The following BMAL1 variants were observed in gnomAD, a reference collection of about 807,000 sequenced individuals.
The protein encoded by BMAL1 is basic helix-loop-helix ARNT like 1.
chr11:13,358,931 T>C, the BMAL1 span, among the ~76,000 whole-genome samples: 1 of 152,204 alleles, frequency 6.6e-6, no homozygotes, highest in Non-Finnish European at 1.5e-5. Context: ...ATCCCATCCT[T>C]ACAATTATAA....
At chr11:13,318,165 A>G in the BMAL1 span, among the ~76,000 whole-genome samples, 1 of 152,178 alleles carries the variant, frequency 6.6e-6, no homozygotes, top group African/African-American at 2.4e-5. Flanking sequence ...GTAGGAATAG[A>G]GTTTGTAGTC....
At chr11:13,284,186 ATATATATGTGTG>A in the BMAL1 span, among the ~76,000 whole-genome samples, 587 of 66,352 alleles carry the variant, frequency 8.8e-3, 38 homozygotes, top group African/African-American at 0.016. Context: ...ATGTGTATAT[ATATATATGTGTG>A]TATATATATA....
At chr11:13,361,002 G>A in the BMAL1 span, among the ~76,000 whole-genome samples, 140 of 152,290 alleles carry the variant, frequency 9.2e-4, no homozygotes, top group African/African-American at 3.3e-3. Flanking sequence ...TTCTTGGGAG[G>A]CTGAGACATG....
the BMAL1 span, among the ~76,000 whole-genome samples, chr11:13,324,174 G>C: frequency 6.6e-6 from 1 of 152,130 alleles, no homozygotes; most frequent in African/African-American, 2.4e-5. Context: ...TCTTTCAGCA[G>C]GTCTCTTGTC....
chr11:13,324,479 C>T, the BMAL1 span, among the ~76,000 whole-genome samples: 125 of 152,316 alleles, frequency 8.2e-4, no homozygotes, highest in East Asian at 1.7e-3. Flanking sequence ...CTTCACTCCA[C>T]GCTGGCCTCT....
the BMAL1 span, among the ~76,000 whole-genome samples, chr11:13,384,921 G>C: frequency 1.3e-5 from 2 of 152,260 alleles, no homozygotes; most frequent in Admixed American, 1.3e-4. Flanking sequence ...AGTCCTCAAT[G>C]ATTTTTTTAA....
chr11:13,320,222 G>A, the BMAL1 span, among the ~76,000 whole-genome samples: 1 of 152,198 alleles, frequency 6.6e-6, no homozygotes, highest in African/African-American at 2.4e-5. Flanking sequence ...CTAACTGCAT[G>A]TGAAATTTTG....
At chr11:13,362,680 T>C in the BMAL1 span, among the ~76,000 whole-genome samples, 11 of 152,230 alleles carry the variant, frequency 7.2e-5, no homozygotes, top group Middle Eastern at 3.4e-3. Flanking sequence ...CACCTCTCCA[T>C]CCTTTTCGTA....
the BMAL1 span, chr11:13,355,159 T>G: frequency 3.5e-6 from 5 of 1,444,148 alleles, no homozygotes; most frequent in African/African-American, 1.4e-5. Flanking sequence ...AGAGGTTTTC[T>G]TTTGTTTAAT....
At chr11:13,278,896 AG>A in the BMAL1 span, among the ~76,000 whole-genome samples, 1 of 152,196 alleles carries the variant, frequency 6.6e-6, no homozygotes, top group Non-Finnish European at 1.5e-5. Context: ...AGGAAGGTAG[AG>A]GTGAACGTCG....
At chr11:13,331,868 A>G in the BMAL1 span, among the ~76,000 whole-genome samples, 1 of 152,094 alleles carries the variant, frequency 6.6e-6, no homozygotes, top group South Asian at 2.1e-4. Flanking sequence ...AAACTTTGCT[A>G]GGGAGGGCAA....
At chr11:13,339,100 C>T in the BMAL1 span, among the ~76,000 whole-genome samples, 2 of 152,240 alleles carry the variant, frequency 1.3e-5, no homozygotes, top group Non-Finnish European at 2.9e-5. Flanking sequence ...GCCCTAGCTG[C>T]CCCCTTGGCT....
chr11:13,349,523 A>G, the BMAL1 span, among the ~76,000 whole-genome samples: 1 of 152,214 alleles, frequency 6.6e-6, no homozygotes, highest in Non-Finnish European at 1.5e-5. Flanking sequence ...TTCAGGTTTC[A>G]ATGAGTTAAT....
the BMAL1 span, among the ~76,000 whole-genome samples, chr11:13,364,119 A>G: frequency 6.6e-6 from 1 of 152,214 alleles, no homozygotes; most frequent in South Asian, 2.1e-4. Flanking sequence ...CACTTCCATG[A>G]GATACAAGAT....
At chr11:13,330,514 G>A in the BMAL1 span, among the ~76,000 whole-genome samples, 1 of 152,156 alleles carries the variant, frequency 6.6e-6, no homozygotes, top group South Asian at 2.1e-4. Flanking sequence ...TGCCAGCATC[G>A]GCCTGCAGCC....
the BMAL1 span, among the ~76,000 whole-genome samples, chr11:13,352,950 A>G: frequency 6.6e-6 from 1 of 152,228 alleles, no homozygotes; most frequent in African/African-American, 2.4e-5. Flanking sequence ...CTTGCAAGGC[A>G]CTTGTCAAGC....
chr11:13,341,500 T>A, the BMAL1 span, among the ~76,000 whole-genome samples: 3 of 152,236 alleles, frequency 2.0e-5, no homozygotes, highest in East Asian at 5.8e-4. Flanking sequence ...CAGCCTGTCT[T>A]GTTGGCATCC....
chr11:13,333,491 G>T, the BMAL1 span, among the ~76,000 whole-genome samples: 2 of 152,192 alleles, frequency 1.3e-5, no homozygotes, highest in East Asian at 3.9e-4. Context: ...GTTAAGACTG[G>T]TGCAAAGTCC....
the BMAL1 span, among the ~76,000 whole-genome samples, chr11:13,335,893 T>C: frequency 4.6e-5 from 7 of 152,248 alleles, no homozygotes; most frequent in African/African-American, 1.7e-4. Flanking sequence ...TATTGATTAT[T>C]TTTGGAATTA....
Sources: gnomAD v4.1 joint callset for allele counts (sites outside exome capture counted in the v4.1 genomes callset) on GRCh38, gnomAD v4.1.1 for gene constraint, MANE v1.5 for transcripts, NCBI Gene and HGNC (gene_info 2026-07-23, HGNC 2026-07-21) for gene names.